Variants in WDR72 observed in about 807,000 individuals in gnomAD.
WDR72 encodes the protein WD repeat domain 72.
Under a neutral mutation model 124.2 loss-of-function variants are expected in WDR72, and 120 were observed. The ratio of observed to expected loss-of-function variants is 0.97; its 90% CI spans 0.83 to 1.12. The LOEUF is 1.12. Among genes scored for constraint, WDR72 ranks in the 50% most tolerant of loss-of-function variants. WDR72 has a pLI of 0.00. For missense variants in WDR72, 1,387 were observed against 1,278.8 expected (o/e 1.08, Z -1.29); for synonymous variants, 452 against 441.7 (o/e 1.02, Z -0.29).
rs1423107767 is a variant in WDR72 at position 53,568,165 on chromosome 15, A to C, written c.3148+28914T>G. 2.0e-5 allele frequency among the ~76,000 whole-genome samples: 3 copies of C among 151,358 alleles called. No individual in the cohort carries two copies. The East Asian group carries it at 5.8e-4, about 29-fold the overall frequency. On this transcript the variant is annotated intron_variant, in intron 18 of 19. Coordinates refer to ENST00000360509, the MANE Select transcript of WDR72 (RefSeq NM_182758.4). The stretch of plus-strand genomic sequence containing the variant: ...TTTTAAAAATAGGTAAATTTAAAAA[A>C]ATTACATCAAATACAAAATAATTTT...
At chr15:53,621,690 G>A (rs567140580) in intron 14 of WDR72, among the ~76,000 whole-genome samples, 18 of 152,004 alleles carry the variant, frequency 1.2e-4, no homozygotes, top group Non-Finnish European at 2.2e-4. Context: ...TGTGTGCAGC[G>A]TATAGCTCTT....
intron 13 of WDR72, among the ~76,000 whole-genome samples, chr15:53,672,581 G>A (rs1251250395): frequency 6.6e-6 from 1 of 152,130 alleles, no homozygotes; most frequent in Admixed American, 6.5e-5. Context: ...ATATCAGGCT[G>A]TCTTAAAGCA....
chr15:53,752,858 A>G (rs2018807363), intron 1 of WDR72, among the ~76,000 whole-genome samples: 1 of 152,108 alleles, frequency 6.6e-6, no homozygotes, highest in Non-Finnish European at 1.5e-5. Flanking sequence ...CTTTCCATCT[A>G]CATTATCGGC....
intron 1 of WDR72, 39 bp from the exon 2 acceptor site, chr15:53,733,200 T>TTTTTGAAATTTGAGGAAACCGATA: frequency 6.2e-7 from 1 of 1,608,610 alleles, no homozygotes; most frequent in Non-Finnish European, 8.5e-7. Flanking sequence ...CATGGTCATC[T>TTTTTGAAATTTGAGGAAACCGATA]TTTTGAAATT....
chr15:53,738,622 G>A (rs1405243003), intron 1 of WDR72, among the ~76,000 whole-genome samples: 1 of 152,040 alleles, frequency 6.6e-6, no homozygotes, highest in Non-Finnish European at 1.5e-5. Context: ...TTGAGATGGA[G>A]TCTCGTTCTT....
chr15:53,629,383 C>G (rs183302992), intron 14 of WDR72, among the ~76,000 whole-genome samples: 1 of 151,766 alleles, frequency 6.6e-6, no homozygotes, highest in Non-Finnish European at 1.5e-5. Context: ...CAGATAAAAT[C>G]AGTGCCACAG....
In WDR72 at chr15:53,627,740, T is replaced by C. The variant is rs570889664; in HGVS notation, c.1963-11497A>G. On this transcript the variant is annotated intron_variant, in intron 14 of 19. Coordinates refer to ENST00000360509, the MANE Select transcript of WDR72 (RefSeq NM_182758.4). ...CATATTGTGAACCATACTAAAAACA[T>C]TTAATTAGAAAAAAAACACACAAAA... 1.9e-4 allele frequency among the ~76,000 whole-genome samples: 26 copies of C among 134,406 alleles called. No individual in the cohort carries two copies. The South Asian group carries it at 5.6e-3, about 29-fold the overall frequency. The allele number at this position is 134,406 out of a possible 152,430, so 88.2% of individuals were successfully genotyped here. A position where few individuals can be genotyped will look rare whatever the true frequency, so the allele number is the denominator to read the frequency against.
intron 18 of WDR72, among the ~76,000 whole-genome samples, chr15:53,587,739 G>A (rs1191402066): frequency 6.6e-6 from 1 of 152,002 alleles, no homozygotes; most frequent in Non-Finnish European, 1.5e-5. Context: ...TATAGACCAT[G>A]TTCTTAGGCA....
intron 14 of WDR72, among the ~76,000 whole-genome samples, chr15:53,628,120 A>G (rs755310594): frequency 2.0e-5 from 3 of 152,188 alleles, no homozygotes; most frequent in Non-Finnish European, 4.4e-5. Flanking sequence ...GCTATGTACA[A>G]TTGAAGAATT....
chr15:53,712,425 G>A (rs2140549946), intron 7 of WDR72, among the ~76,000 whole-genome samples: 1 of 152,154 alleles, frequency 6.6e-6, no homozygotes, highest in Middle Eastern at 3.4e-3. Context: ...GTGAAACCCG[G>A]TCTCTCCTAA....
chr15:53,739,346 T>C (rs2018444973), intron 1 of WDR72, among the ~76,000 whole-genome samples: 1 of 152,134 alleles, frequency 6.6e-6, no homozygotes. Flanking sequence ...TTGGCCTACA[T>C]CTCTATCACT....
At chr15:53,637,392 AC>A (rs1399978086) in intron 14 of WDR72, among the ~76,000 whole-genome samples, 3 of 152,076 alleles carry the variant, frequency 2.0e-5, no homozygotes, top group Non-Finnish European at 1.5e-5. Context: ...GAACATTTTT[AC>A]TTGTTGTCTG....
intron 1 of WDR72, among the ~76,000 whole-genome samples, chr15:53,736,642 G>A (rs2018362834): frequency 6.6e-6 from 1 of 152,188 alleles, no homozygotes; most frequent in Non-Finnish European, 1.5e-5. Context: ...AGCATCCTGA[G>A]AGCACTTGTA....
intron 14 of WDR72, among the ~76,000 whole-genome samples, chr15:53,623,440 A>T (rs1216282258): frequency 6.6e-6 from 1 of 152,050 alleles, no homozygotes; most frequent in Non-Finnish European, 1.5e-5. Flanking sequence ...GCTACTAAGA[A>T]CATGATTTCA....
At chr15:53,591,891 T>C (rs1245664426) in intron 18 of WDR72, among the ~76,000 whole-genome samples, 2 of 151,980 alleles carry the variant, frequency 1.3e-5, no homozygotes, top group African/African-American at 4.8e-5. Context: ...TTAAAAACTA[T>C]AAAATAAAAT....
intron 2 of WDR72, among the ~76,000 whole-genome samples, chr15:53,723,359 C>T (rs1169757369): frequency 6.6e-6 from 1 of 152,132 alleles, no homozygotes; most frequent in Non-Finnish European, 1.5e-5. Flanking sequence ...TAAATTGGTA[C>T]AGCTATTTTT....
At chr15:53,621,334 C>T (rs191983720) in intron 14 of WDR72, among the ~76,000 whole-genome samples, 31 of 151,218 alleles carry the variant, frequency 2.1e-4, no homozygotes, top group African/African-American at 7.6e-4. Flanking sequence ...GAAAAAAATA[C>T]TTGCACAACT....
chr15:53,683,202 G>A (rs1452539268), intron 13 of WDR72, among the ~76,000 whole-genome samples: 2 of 152,078 alleles, frequency 1.3e-5, no homozygotes, highest in East Asian at 1.9e-4. Context: ...TGAGATTTGG[G>A]TGGGGACACA....
In WDR72 at chr15:53,595,675, C is replaced by T. The variant is rs376177720; in HGVS notation, c.3148+1404G>A. ...AGAGGTGGAAGAAACCTATCAATGA[C>T]ACTATGGGCAGCCCTCCATATGTGT... On this transcript the variant is annotated intron_variant, in intron 18 of 19. Transcript: ENST00000360509. Among the ~76,000 whole-genome samples, 20 of 152,228 alleles carry T rather than the reference C, an allele frequency of 1.3e-4. No individual in the cohort carries two copies. The East Asian group carries it at 3.1e-3, about 24-fold the overall frequency.
Sources: allele counts gnomAD v4.1 joint callset (sites outside exome capture counted in the v4.1 genomes callset), GRCh38; gene constraint gnomAD v4.1.1; transcripts MANE v1.5; gene names NCBI Gene and HGNC (gene_info 2026-07-23, HGNC 2026-07-21).